CNTN5: variants seen among roughly 807,000 people sequenced by gnomAD.
CNTN5 encodes the protein contactin 5.
A neutral mutation model predicts 129.1 loss-of-function variants in CNTN5; 77 were observed. The observed-to-expected ratio is 0.60, with a 90% CI of 0.50 to 0.72. The LOEUF is 0.72. CNTN5 is among the 30% of genes least tolerant of loss of function. CNTN5 has a pLI of 0.00. For missense variants in CNTN5, 1,478 were observed against 1,328.8 expected (o/e 1.11, Z -1.75); for synonymous variants, 509 against 465.6 (o/e 1.09, Z -1.20).
intron 13 of CNTN5, among the ~76,000 whole-genome samples, chr11:100,101,018 G>T (rs780590903): frequency 6.6e-5 from 10 of 152,110 alleles, no homozygotes; most frequent in Non-Finnish European, 1.3e-4. Flanking sequence ...TATAATGAGA[G>T]ATGGGTCTTG....
chr11:100,057,679 T>G (rs574811631), intron 9 of CNTN5, among the ~76,000 whole-genome samples: 1 of 103,376 alleles, frequency 9.7e-6, no homozygotes, highest in East Asian at 4.4e-4. Flanking sequence ...TTAGGCAAAT[T>G]TCCCGAGGTC....
intron 17 of CNTN5, among the ~76,000 whole-genome samples, chr11:100,269,539 G>A (rs911608148): frequency 1.3e-5 from 2 of 152,104 alleles, no homozygotes; most frequent in African/African-American, 4.8e-5. Flanking sequence ...CTTTTTCTCC[G>A]TGATATCTTA....
intron 2 of CNTN5, among the ~76,000 whole-genome samples, chr11:99,384,241 C>A (rs1283016380): frequency 1.3e-5 from 2 of 152,176 alleles, no homozygotes; most frequent in African/African-American, 4.8e-5. Context: ...TGCTTTAATG[C>A]AAGCCTGTTT....
At chr11:99,734,550 A>G (rs7104579) in intron 3 of CNTN5, among the ~76,000 whole-genome samples, 36,815 of 152,016 alleles carry the variant, frequency 0.24, 4,831 homozygotes, top group African/African-American at 0.34. Context: ...ATTATTATAT[A>G]TCATACTGAT....
chr11:99,998,498 A>G (rs1387587177), intron 8 of CNTN5, among the ~76,000 whole-genome samples: 4 of 134,876 alleles, frequency 3.0e-5, no homozygotes, highest in African/African-American at 8.1e-5. Context: ...GCTCAATGAA[A>G]TAAAAGAGGA....
chr11:99,469,119 T>A (rs987069156), intron 2 of CNTN5, among the ~76,000 whole-genome samples: 1 of 152,140 alleles, frequency 6.6e-6, no homozygotes, highest in African/African-American at 2.4e-5. Context: ...AAGTTAAATG[T>A]AGTATTTGTT....
At chr11:99,766,235 A>G (rs914048016) in intron 3 of CNTN5, among the ~76,000 whole-genome samples, 5 of 152,064 alleles carry the variant, frequency 3.3e-5, no homozygotes, top group Non-Finnish European at 5.9e-5. Context: ...CTTGATTGGA[A>G]TGCAAACATA....
intron 3 of CNTN5, among the ~76,000 whole-genome samples, chr11:99,704,385 A>T (rs1417725211): frequency 6.6e-6 from 1 of 151,050 alleles, no homozygotes; most frequent in Non-Finnish European, 1.5e-5. Context: ...TTAAAAAGTG[A>T]GTTTTGTGAA....
chr11:99,261,249 A>G (rs775627002), intron 1 of CNTN5, among the ~76,000 whole-genome samples: 2 of 152,040 alleles, frequency 1.3e-5, no homozygotes, highest in Non-Finnish European at 2.9e-5. Flanking sequence ...ATTGAATCGT[A>G]GAGTTAATTG....
At chr11:100,063,109 C>A (rs1229038386) in intron 10 of CNTN5, among the ~76,000 whole-genome samples, 1 of 152,072 alleles carries the variant, frequency 6.6e-6, no homozygotes, top group Non-Finnish European at 1.5e-5. Context: ...AAGAATGGCC[C>A]ACACCTAAAT....
chr11:100,294,111 C>T (rs780374470), intron 18 of CNTN5, among the ~76,000 whole-genome samples: 49 of 151,558 alleles, frequency 3.2e-4, no homozygotes, highest in Non-Finnish European at 3.8e-4. Context: ...ATGGCCTGTC[C>T]CAGGTCTCGA....
intron 1 of CNTN5, among the ~76,000 whole-genome samples, chr11:99,176,335 A>T (rs1482249857): frequency 6.6e-6 from 1 of 152,130 alleles, no homozygotes; most frequent in African/African-American, 2.4e-5. Context: ...CTTCCTTGAC[A>T]TAGAATACCA....
intron 3 of CNTN5, among the ~76,000 whole-genome samples, chr11:99,801,431 T>C (rs1399358302): frequency 6.6e-6 from 1 of 152,188 alleles, no homozygotes; most frequent in Admixed American, 6.5e-5. Flanking sequence ...TTTTCTGTAG[T>C]ATCTTGCAGT....
At chr11:99,036,275 A>C (rs1363350978) in intron 1 of CNTN5, among the ~76,000 whole-genome samples, 2 of 152,132 alleles carry the variant, frequency 1.3e-5, no homozygotes, top group Non-Finnish European at 2.9e-5. Flanking sequence ...TTTAGACATT[A>C]TATATGGTCC....
chr11:99,079,739 G>T (rs1016119598), intron 1 of CNTN5, among the ~76,000 whole-genome samples: 21 of 152,034 alleles, frequency 1.4e-4, no homozygotes, highest in Admixed American at 1.3e-4. Context: ...ACACTTCTTT[G>T]CCTTTGTACA....
intron 2 of CNTN5, among the ~76,000 whole-genome samples, chr11:99,534,916 T>C (rs1947846374): frequency 6.6e-6 from 1 of 150,646 alleles, no homozygotes; most frequent in Admixed American, 6.7e-5. Context: ...GTGTGAAAGG[T>C]GGTATGTTGG....
chr11:100,114,671 T>C (rs1945778614), intron 13 of CNTN5, among the ~76,000 whole-genome samples: 1 of 152,050 alleles, frequency 6.6e-6, no homozygotes, highest in Non-Finnish European at 1.5e-5. Context: ...ACTTAACTTG[T>C]CAGTCCTTGA....
chr11:99,755,674 C>T (rs1445603074), intron 3 of CNTN5, among the ~76,000 whole-genome samples: 1 of 151,918 alleles, frequency 6.6e-6, no homozygotes, highest in Non-Finnish European at 1.5e-5. Context: ...TATATTCTCA[C>T]TTTCCTGCAA....
chr11:100,176,759 G>C lies in CNTN5; in HGVS notation c.1581-14367G>C, dbSNP rs80129735. On this transcript the variant is annotated intron_variant, in intron 13 of 24. Coordinates refer to ENST00000524871, the MANE Select transcript of CNTN5 (RefSeq NM_014361.4). ...AATGGAAGATGGAAGGGAGAAAATA[G>C]TATAACATACTTGCTTTTAATTCTA... Among the ~76,000 whole-genome samples the C allele has an allele frequency of 9.8e-3, 1,489 of 152,040 alleles. 23 individuals carry two copies. Among genetic ancestry groups the C allele is most frequent in the African/African-American group, 0.033 (1,377 of 41,494 alleles).
Sources: allele counts gnomAD v4.1 joint callset (sites outside exome capture counted in the v4.1 genomes callset), GRCh38; gene constraint gnomAD v4.1.1; transcripts MANE v1.5; gene names NCBI Gene and HGNC (gene_info 2026-07-23, HGNC 2026-07-21).